Variants in DGKE observed in about 807,000 individuals in gnomAD.
The protein encoded by DGKE is diacylglycerol kinase epsilon.
Under a neutral mutation model 70.0 loss-of-function variants are expected in DGKE, and 53 were observed. That is an observed-to-expected ratio of 0.76 (90% CI 0.61 to 0.95). DGKE has a LOEUF of 0.95. DGKE is among the 40% of genes least tolerant of loss of function. DGKE has a pLI of 0.00. For missense variants in DGKE, 655 were observed against 706.9 expected, an observed-to-expected ratio of 0.93 and a Z score of 0.83; for synonymous variants, 291 against 257.0, an observed-to-expected ratio of 1.13 and a Z score of -1.27.
At position 56,844,112 on chromosome 17, in the gene DGKE, CA is replaced by C; in HGVS notation, c.559del (p.Ile187PhefsTer6). 6.3e-7 allele frequency: 1 copy of C among 1,586,352 alleles called. No homozygotes were observed. Among genetic ancestry groups the C allele is most frequent in the Non-Finnish European group, 8.5e-7 (1 of 1,169,852 alleles). Reference protein sequence around the residue: ...CDFGEFKNLIIPPSYLTSINQ... With the variant: ...CDFGEFKNLIXPPSYLTSINQ... ...ATTTTGGAGAATTCAAAAACCTAAT[CA>C]TTCCACCAAGTTATTTAACATCCAT... On this transcript the variant is annotated frameshift_variant, in exon 3 of 12. Transcript: ENST00000284061. LOFTEE classifies it high-confidence loss of function.
Position 56,844,185 on chromosome 17 carries a change from A to G in DGKE, c.624+7A>G. The G allele has an allele frequency of 6.8e-7, 1 of 1,480,152 alleles. No individual in the cohort carries two copies. 91.7% of individuals were successfully genotyped at this position (1,480,152 alleles called of 1,614,324 possible). On this transcript the variant is annotated splice_region_variant and intron_variant, in intron 3 of 11. Coordinates refer to ENST00000284061, the MANE Select transcript of DGKE (RefSeq NM_003647.3). The stretch of plus-strand genomic sequence containing the variant: ...AAAAACAGATTATGAAGTGGTAATT[A>G]GAGTTTATTTCTCTAATATGATTGA...
chr17:56,842,979 C>T (rs1040767528), intron 2 of DGKE, among the ~76,000 whole-genome samples: 1 of 152,158 alleles, frequency 6.6e-6, no homozygotes, highest in African/African-American at 2.4e-5. Flanking sequence ...GAATTATTTT[C>T]GTATTAACTG....
At chr17:56,856,990 C>T (rs1041478484) in intron 8 of DGKE, among the ~76,000 whole-genome samples, 6 of 151,760 alleles carry the variant, frequency 4.0e-5, no homozygotes, top group Admixed American at 1.3e-4. Context: ...CCCAGCCACT[C>T]GGGAGGCTGA....
At chr17:56,843,052 C>G (rs757193888) in intron 2 of DGKE, among the ~76,000 whole-genome samples, 19 of 152,194 alleles carry the variant, frequency 1.2e-4, no homozygotes, top group Non-Finnish European at 2.5e-4. Flanking sequence ...GCTGGACCCT[C>G]AGGAACTCTT....
chr17:56,858,414 C>G (rs1908081645), intron 8 of DGKE, among the ~76,000 whole-genome samples, 180 bp from the exon 9 acceptor site: 1 of 152,148 alleles, frequency 6.6e-6, no homozygotes, highest in Non-Finnish European at 1.5e-5. Flanking sequence ...TGGATAGGGC[C>G]AGAGGTTGCA....
At chr17:56,837,266 C>G (rs949540181) in intron 2 of DGKE, among the ~76,000 whole-genome samples, 2 of 150,980 alleles carry the variant, frequency 1.3e-5, no homozygotes, top group African/African-American at 4.9e-5. Flanking sequence ...AAATCAGAAA[C>G]TTGGGCTGGA....
intron 2 of DGKE, among the ~76,000 whole-genome samples, chr17:56,839,561 T>G (rs957452475): frequency 6.6e-6 from 1 of 152,202 alleles, no homozygotes; most frequent in Non-Finnish European, 1.5e-5. Flanking sequence ...CTATATTGCC[T>G]AGGCTGGAAG....
At chr17:56,861,587 CATT>C (rs1219443763) in intron 9 of DGKE, among the ~76,000 whole-genome samples, 1 of 152,124 alleles carries the variant, frequency 6.6e-6, no homozygotes, top group Non-Finnish European at 1.5e-5. Context: ...ACAAAAAGAA[CATT>C]ATTGTTGATG....
rs147972030 is a variant in DGKE, at chr17:56,844,157, C to CA, written c.610dup (p.Thr204AsnfsTer4). The stretch of plus-strand genomic sequence containing the variant: ...CATCCATTAATCAGATGCGTAAAGA[C>CA]AAAAAAACAGATTATGAAGTGGTAA... On this transcript the variant is annotated frameshift_variant, in exon 3 of 12. Transcript: ENST00000284061. LOFTEE classifies it high-confidence loss of function. The CA allele has an allele frequency of 7.2e-6, 11 of 1,528,354 alleles. No individual in the cohort carries two copies. Among genetic ancestry groups the CA allele is most frequent in the African/African-American group, 2.9e-5 (2 of 69,978 alleles). The allele number at this position is 1,528,354 out of a possible 1,614,324, so 94.7% of individuals were successfully genotyped here.
Position 56,866,714 on chromosome 17 carries a change from G to A in DGKE, c.*3923G>A, listed in dbSNP as rs1908538635. The A allele has an allele frequency of 1.3e-5, 2 of 152,228 alleles. No individual in the cohort carries two copies. Among genetic ancestry groups the A allele is most frequent in the African/African-American group, 4.8e-5 (2 of 41,450 alleles). The allele number at this position is 152,228 out of a possible 1,614,324, so 9.4% of individuals were successfully genotyped here. On this transcript the variant is annotated 3_prime_UTR_variant, in exon 12 of 12. Transcript: ENST00000284061. ...GCAGTGCGCCTCCAAGGGGCAGTGA[G>A]CCATGGAGGCGCCTGCCTTCTCACT...
intron 2 of DGKE, among the ~76,000 whole-genome samples, chr17:56,840,921 A>C (rs1906939667): frequency 6.6e-6 from 1 of 151,992 alleles, no homozygotes; most frequent in Non-Finnish European, 1.5e-5. Flanking sequence ...CCAGGAGTTC[A>C]GGCCAGTGTG....
In DGKE at chr17:56,854,443, G is replaced by A. The variant is rs150548230; in HGVS notation, c.1099-2069G>A. Among the ~76,000 whole-genome samples the A allele has an allele frequency of 8.3e-3, 1,266 of 151,870 alleles. 14 individuals carry two copies. Among genetic ancestry groups the A allele is most frequent in the Non-Finnish European group, 9.1e-3 (619 of 67,950 alleles). The stretch of plus-strand genomic sequence containing the variant: ...CACACCTTAGCCTCATTAGTAACTG[G>A]GACTACAGGCACATGCCACCACACC... On this transcript the variant is annotated intron_variant, in intron 7 of 11. Coordinates refer to ENST00000284061, the MANE Select transcript of DGKE (RefSeq NM_003647.3).
intron 7 of DGKE, among the ~76,000 whole-genome samples, chr17:56,852,141 G>A (rs1445812906): frequency 6.6e-6 from 1 of 152,144 alleles, no homozygotes; most frequent in Non-Finnish European, 1.5e-5. Flanking sequence ...GGCGGGGTGC[G>A]GTGGCTCACG....
At chr17:56,840,169 A>G (rs977573861) in intron 2 of DGKE, among the ~76,000 whole-genome samples, 4 of 152,164 alleles carry the variant, frequency 2.6e-5, no homozygotes, top group African/African-American at 9.7e-5. Flanking sequence ...CATCTCAAAA[A>G]ATAATAGTAA....
At chr17:56,855,842 A>G (rs1222444939) in intron 7 of DGKE, among the ~76,000 whole-genome samples, 1 of 152,002 alleles carries the variant, frequency 6.6e-6, no homozygotes, top group Non-Finnish European at 1.5e-5. Context: ...CATCTCTACT[A>G]AAAATACAAA....
intron 2 of DGKE, among the ~76,000 whole-genome samples, chr17:56,840,863 G>T (rs969333543): frequency 6.6e-6 from 1 of 152,112 alleles, no homozygotes; most frequent in Non-Finnish European, 1.5e-5. Flanking sequence ...ATTTAATTAG[G>T]TGCCTGTAGC....
Position 56,868,181 on chromosome 17 carries a change from T to A in DGKE, c.*5390T>A, listed in dbSNP as rs1173624481. 1 of 152,274 alleles carries A rather than the reference T, an allele frequency of 6.6e-6. No homozygotes were observed. The highest frequency in any genetic ancestry group is 1.5e-5 in the Non-Finnish European group (1 of 68,052). 9.4% of individuals were successfully genotyped at this position (152,274 alleles called of 1,614,324 possible). On this transcript the variant is annotated 3_prime_UTR_variant, in exon 12 of 12. Coordinates refer to ENST00000284061, the MANE Select transcript of DGKE (RefSeq NM_003647.3). ...TTGTCCAGGCAAGAGGGCATCCTGATCAGATGAGTAGATTTGGCTGAGAAA... is the reference window on the plus strand; with the variant it reads ...TTGTCCAGGCAAGAGGGCATCCTGAACAGATGAGTAGATTTGGCTGAGAAA...
Position 56,858,659 on chromosome 17 carries a change from A to T in DGKE, c.1278A>T (p.Lys426Asn). Reference sequence around the variant, plus strand: ...AAGAATGTAAAGATTTGAATAAAAAAGTTGAGGTAAGCTATTAACACTTTT... The same window carrying T: ...AAGAATGTAAAGATTTGAATAAAAATGTTGAGGTAAGCTATTAACACTTTT... ...LVQECKDLNK[K>N]VELELDGERV... Residue 426 changes from lysine to asparagine, a missense_variant, in exon 9 of 12, where the codon AAA becomes AAT. Coordinates refer to ENST00000284061, the MANE Select transcript of DGKE (RefSeq NM_003647.3). 1.2e-6 allele frequency: 2 copies of T among 1,601,528 alleles called. No homozygotes were observed. The highest frequency in any genetic ancestry group is 8.5e-7 in the Non-Finnish European group (1 of 1,174,202).
chr17:56,862,516 C>A, intron 11 of DGKE, 96 bp from the exon 12 acceptor site: 1 of 1,132,012 alleles, frequency 8.8e-7, no homozygotes, highest in Non-Finnish European at 1.2e-6. Flanking sequence ...AAATGAAATG[C>A]ATAAGGGTTA....
Sources: gnomAD v4.1 joint callset for allele counts (sites outside exome capture counted in the v4.1 genomes callset) on GRCh38, gnomAD v4.1.1 for gene constraint, MANE v1.5 for transcripts, NCBI Gene and HGNC (gene_info 2026-07-23, HGNC 2026-07-21) for gene names.